Variants in TMEM232 observed in about 807,000 individuals in gnomAD.
TMEM232 encodes transmembrane protein 232.
Under a neutral mutation model 78.8 loss-of-function variants are expected in TMEM232, and 80 were observed. The observed-to-expected ratio is 1.01, with a 90% CI of 0.85 to 1.22. TMEM232 has a LOEUF of 1.22. Ranked by LOEUF, TMEM232 falls within the 50% of genes most tolerant of loss-of-function variation. The pLI is 0.00. For missense variants in TMEM232, 881 were observed against 742.2 expected (o/e 1.19, Z -2.17); for synonymous variants, 297 against 254.3 (o/e 1.17, Z -1.60).
In TMEM232 at chr5:110,617,630, A is replaced by G. The variant is rs190389390; in HGVS notation, c.902+799T>C. Reference sequence around the variant, plus strand: ...TCTTTTTCTCATCTTAAATTAACATATGTACAGGAGGAAACTAATATTTGT... The same window carrying G: ...TCTTTTTCTCATCTTAAATTAACATGTGTACAGGAGGAAACTAATATTTGT... On this transcript the variant is annotated intron_variant, in intron 8 of 13. Coordinates refer to ENST00000455884, the MANE Select transcript of TMEM232 (RefSeq NM_001039763.4). Among the ~76,000 whole-genome samples, 63 of 152,174 alleles carry G rather than the reference A, an allele frequency of 4.1e-4. 1 individual carries two copies. The highest frequency in any genetic ancestry group is 3.0e-3 in the Admixed American group (46 of 15,262).
In TMEM232 at chr5:110,632,499, A is replaced by T. The variant is rs988776749; in HGVS notation, c.502-4619T>A. 2.6e-5 allele frequency among the ~76,000 whole-genome samples: 4 copies of T among 152,312 alleles called. No homozygotes were observed. In the South Asian group the frequency reaches 8.3e-4, roughly 32 times the overall value. On this transcript the variant is annotated intron_variant, in intron 5 of 13. Coordinates refer to ENST00000455884, the MANE Select transcript of TMEM232 (RefSeq NM_001039763.4). ...AAGAGAATTTCAAAAAATAATACAA[A>T]AAGTCAGAAAAAAACAATTTAAGAT... is the stretch of plus-strand genomic sequence containing the variant.
intron 2 of TMEM232, among the ~76,000 whole-genome samples, chr5:110,411,070 T>C (rs1755979103): frequency 6.6e-6 from 1 of 152,140 alleles, no homozygotes; most frequent in Non-Finnish European, 1.5e-5. Context: ...GCCACTTCCT[T>C]TGAAAATGCT....
intron 11 of TMEM232, among the ~76,000 whole-genome samples, chr5:110,548,590 A>G (rs1404940763): frequency 2.6e-5 from 4 of 151,874 alleles, no homozygotes; most frequent in Non-Finnish European, 4.4e-5. Flanking sequence ...AAAGGCAAAT[A>G]TGAGACTATT....
intron 13 of TMEM232, among the ~76,000 whole-genome samples, chr5:110,421,380 G>A (rs932336271): frequency 2.6e-5 from 4 of 151,414 alleles, no homozygotes; most frequent in South Asian, 4.2e-4. Context: ...TGAGTAACAC[G>A]TAAGTAATGA....
chr5:110,524,395 G>A (rs777121673), intron 12 of TMEM232, among the ~76,000 whole-genome samples: 13,517 of 82,378 alleles, frequency 0.16, 930 homozygotes, highest in Middle Eastern at 0.26. Context: ...AAGAAAGAAA[G>A]AAAGAAAGAA....
At chr5:110,452,493 G>A (rs1225079178) in intron 12 of TMEM232, among the ~76,000 whole-genome samples, 1 of 152,190 alleles carries the variant, frequency 6.6e-6, no homozygotes, top group African/African-American at 2.4e-5. Context: ...GATTTAAAAT[G>A]AACCAGGTCA....
At chr5:110,683,150 A>C (rs557385533) in intron 1 of TMEM232, among the ~76,000 whole-genome samples, 1 of 152,272 alleles carries the variant, frequency 6.6e-6, no homozygotes, top group Non-Finnish European at 1.5e-5. Flanking sequence ...CCTTTTAATT[A>C]ATTATATAAA....
At position 110,618,426 on chromosome 5, in the gene TMEM232, TAC is replaced by T; in HGVS notation, c.902+1_902+2del. The T allele has an allele frequency of 1.3e-6, 2 of 1,550,440 alleles. No homozygotes were observed. Among genetic ancestry groups the T allele is most frequent in the East Asian group, 2.4e-5 (1 of 40,854 alleles). On this transcript the variant is annotated splice_donor_variant, in intron 8 of 13. Coordinates refer to ENST00000455884, the MANE Select transcript of TMEM232 (RefSeq NM_001039763.4). LOFTEE classifies it high-confidence loss of function. ...TACTTTGGATTTATAGGATCACTCTTACCAGCATTTCTTTTGAAGCTGTGTCT... is the reference window on the plus strand; with the variant it reads ...TACTTTGGATTTATAGGATCACTCTTCAGCATTTCTTTTGAAGCTGTGTCT...
At chr5:110,550,177 G>A (rs1314170173) in intron 11 of TMEM232, among the ~76,000 whole-genome samples, 1 of 152,126 alleles carries the variant, frequency 6.6e-6, no homozygotes, top group Non-Finnish European at 1.5e-5. Context: ...GTTTACAACA[G>A]TAACAGAATT....
intron 10 of TMEM232, among the ~76,000 whole-genome samples, chr5:110,588,375 T>C (rs1779108705): frequency 6.6e-6 from 1 of 152,120 alleles, no homozygotes; most frequent in South Asian, 2.1e-4. Flanking sequence ...TATTATATTA[T>C]TGGAATAAAT....
chr5:110,736,476 G>A (rs1799180073), intron 1 of TMEM232, among the ~76,000 whole-genome samples: 1 of 152,080 alleles, frequency 6.6e-6, no homozygotes, highest in Non-Finnish European at 1.5e-5. Context: ...TTCTTCTATT[G>A]TGTATCTTTA....
chr5:110,559,275 G>A (rs890066206), intron 11 of TMEM232, among the ~76,000 whole-genome samples: 6 of 152,066 alleles, frequency 3.9e-5, no homozygotes, highest in African/African-American at 1.4e-4. Context: ...TTCTGACCAT[G>A]GGGTAGGAAA....
intron 10 of TMEM232, among the ~76,000 whole-genome samples, chr5:110,591,218 G>C (rs1409578330): frequency 6.6e-6 from 1 of 152,170 alleles, no homozygotes; most frequent in Non-Finnish European, 1.5e-5. Context: ...AGTACTCTGA[G>C]AGGCCCAAGT....
intron 10 of TMEM232, among the ~76,000 whole-genome samples, chr5:110,572,931 A>G (rs1192665108): frequency 6.6e-6 from 1 of 152,114 alleles, no homozygotes; most frequent in Non-Finnish European, 1.5e-5. Flanking sequence ...ATGTTTCAAC[A>G]AGGGACCAAG....
rs1009087350 is a variant in TMEM232, at chr5:110,575,901, G to A, written c.1277-7276C>T. On this transcript the variant is annotated intron_variant, in intron 10 of 13. Transcript: ENST00000455884. ...GCTGCTCAGGCATACAAGGGGACCC[G>A]GGAGCTTAGATGTTCTTGCTTTCTG... 4.6e-5 allele frequency among the ~76,000 whole-genome samples: 7 copies of A among 152,068 alleles called. No individual in the cohort carries two copies. In the East Asian group the frequency reaches 7.8e-4, roughly 17 times the overall value.
At chr5:110,676,402 T>G (rs1329308620) in intron 1 of TMEM232, among the ~76,000 whole-genome samples, 1 of 118,192 alleles carries the variant, frequency 8.5e-6, no homozygotes, top group East Asian at 2.9e-4. Flanking sequence ...TTCCCTTTTC[T>G]TTTTTTTTTT....
At chr5:110,432,792 G>A (rs936123473) in intron 12 of TMEM232, among the ~76,000 whole-genome samples, 3 of 151,512 alleles carry the variant, frequency 2.0e-5, no homozygotes, top group African/African-American at 7.3e-5. Context: ...GATGAATAAA[G>A]ACCCACCACA....
At chr5:110,659,840 C>T (rs1172807121) in intron 2 of TMEM232, among the ~76,000 whole-genome samples, 1 of 151,792 alleles carries the variant, frequency 6.6e-6, no homozygotes, top group Non-Finnish European at 1.5e-5. Flanking sequence ...AGACAAATCA[C>T]AGATCAGAAT....
intron 12 of TMEM232, among the ~76,000 whole-genome samples, chr5:110,435,544 G>A (rs1242845411): frequency 6.6e-6 from 1 of 151,360 alleles, no homozygotes; most frequent in East Asian, 1.9e-4. Flanking sequence ...CAAGTACTAG[G>A]TATTATTCAT....
Sources: gnomAD v4.1 joint callset for allele counts (sites outside exome capture counted in the v4.1 genomes callset) on GRCh38, gnomAD v4.1.1 for gene constraint, MANE v1.5 for transcripts, NCBI Gene and HGNC (gene_info 2026-07-23, HGNC 2026-07-21) for gene names.